The following CNTLN variants were observed in gnomAD, a reference collection of about 807,000 sequenced individuals.
The protein encoded by CNTLN is centlein, also known as centlein, centrosomal protein.
CNTLN carries 212 observed loss-of-function variants against 180.0 expected under a neutral mutation model. The observed-to-expected ratio is 1.18, with a 90% CI of 1.05 to 1.32. The LOEUF is 1.32. CNTLN is among the 40% of genes most tolerant of loss of function. The pLI, the probability that CNTLN is intolerant of heterozygous loss-of-function variation, is 0.00. For synonymous variants in CNTLN, 722 were observed against 563.1 expected (o/e 1.28, Z -3.99); for missense variants, 2,095 against 1,610.9 (o/e 1.30, Z -5.14).
chr9:17,388,189 A>T lies in CNTLN; in HGVS notation c.2015A>T (p.Asp672Val). 1 of 1,611,830 alleles carries T rather than the reference A, an allele frequency of 6.2e-7. No homozygotes were observed. The highest frequency in any genetic ancestry group is 8.5e-7 in the Non-Finnish European group (1 of 1,178,446). ...CAGCTCTTTAGATCTGGTGAAGATG[A>T]TGAGGTCAAGAGGAGTACTCCAGAG... Reference protein sequence around the residue: ...EEQLFRSGEDDEVKRSTPEKN... With the variant: ...EEQLFRSGEDVEVKRSTPEKN... The change falls in exon 14 of 26, where the codon GAT (aspartate) becomes GTT (valine). Residue 672 changes from aspartate (D) to valine (V), a missense_variant. Transcript: ENST00000380647.
Position 17,502,558 on chromosome 9 carries a change from T to A in CNTLN, c.4127T>A (p.Phe1376Tyr). ...TTTGTGTTTCTTTTACAGCTTCCTT[T>A]TGCCTCATATTTACTAGAAGCAGTA... is the stretch of plus-strand genomic sequence containing the variant. ...IQKLLEGQLP[F>Y]ASYLLEAVLE... Residue 1376 changes from phenylalanine to tyrosine, a missense_variant, in exon 26 of 26, where the codon TTT (phenylalanine) becomes TAT (tyrosine). Transcript: ENST00000380647. 1.5e-6 allele frequency: 2 copies of A among 1,379,294 alleles called. No individual in the cohort carries two copies. The highest frequency in any genetic ancestry group is 2.0e-6 in the Non-Finnish European group (2 of 1,006,466). 85.4% of individuals were successfully genotyped at this position (1,379,294 alleles called of 1,614,324 possible). A position where few individuals can be genotyped will look rare whatever the true frequency, so the allele number is the denominator to read the frequency against.
At chr9:17,304,987 A>G (rs1818608373) in intron 7 of CNTLN, among the ~76,000 whole-genome samples, 1 of 152,162 alleles carries the variant, frequency 6.6e-6, no homozygotes, top group Admixed American at 6.5e-5. Context: ...CTAGATTTGG[A>G]TGATTTCAAT....
At chr9:17,461,679 A>G (rs1488535035) in intron 19 of CNTLN, among the ~76,000 whole-genome samples, 1 of 151,730 alleles carries the variant, frequency 6.6e-6, no homozygotes, top group Admixed American at 6.6e-5. Flanking sequence ...GTTCTAATAG[A>G]AAAAATTTAT....
chr9:17,373,626 AC>A (rs1238112805), intron 13 of CNTLN, among the ~76,000 whole-genome samples: 1 of 152,178 alleles, frequency 6.6e-6, no homozygotes, highest in African/African-American at 2.4e-5. Flanking sequence ...AACAGAAAAA[AC>A]AATCCTAAAA....
intron 1 of CNTLN, among the ~76,000 whole-genome samples, chr9:17,136,197 A>G (rs989559616): frequency 8.5e-5 from 13 of 152,214 alleles, no homozygotes; most frequent in African/African-American, 3.1e-4. Flanking sequence ...TGATTTTACC[A>G]GAACCTTTAG....
At chr9:17,269,192 A>G (rs1827754404) in intron 5 of CNTLN, among the ~76,000 whole-genome samples, 3 of 152,054 alleles carry the variant, frequency 2.0e-5, no homozygotes, top group South Asian at 2.1e-4. Context: ...ATCTGTATCA[A>G]TTTTTAAATA....
chr9:17,380,738 G>T (rs556432782), intron 13 of CNTLN, among the ~76,000 whole-genome samples: 2 of 152,188 alleles, frequency 1.3e-5, no homozygotes, highest in African/African-American at 4.8e-5. Flanking sequence ...TTGAGGGCTT[G>T]TGTATCAGAC....
chr9:17,191,353 G>C (rs182448503), intron 2 of CNTLN, among the ~76,000 whole-genome samples: 73 of 152,310 alleles, frequency 4.8e-4, no homozygotes, highest in Non-Finnish European at 7.6e-4. Flanking sequence ...ACTTCCTTTT[G>C]CTAGTAGTCT....
rs1472006771 is a variant in CNTLN, at chr9:17,479,403, G to T, written c.3856-4892G>T. Among the ~76,000 whole-genome samples, 4 of 152,132 alleles carry T rather than the reference G, an allele frequency of 2.6e-5. 1 individual carries two copies. Among genetic ancestry groups the T allele is most frequent in the African/African-American group, 9.7e-5 (4 of 41,438 alleles). ...GTATGCAACAACATGGATAAACTCC[G>T]ACGGCATTATGCTCAGTGAAAAAAA... is the stretch of plus-strand genomic sequence containing the variant. On this transcript the variant is annotated intron_variant, in intron 23 of 25. Coordinates refer to ENST00000380647, the MANE Select transcript of CNTLN (RefSeq NM_017738.4).
At chr9:17,235,967 G>C (rs1825117386) in intron 4 of CNTLN, among the ~76,000 whole-genome samples, 175 bp downstream of exon 4, 1 of 152,162 alleles carries the variant, frequency 6.6e-6, no homozygotes, top group African/African-American at 2.4e-5. Flanking sequence ...TTTAAAGCCA[G>C]AACTCCAAGC....
intron 2 of CNTLN, among the ~76,000 whole-genome samples, chr9:17,184,190 C>G (rs980898731): frequency 6.6e-6 from 1 of 152,070 alleles, no homozygotes; most frequent in Non-Finnish European, 1.5e-5. Context: ...TTTTTACCGA[C>G]AAACGGACTT....
intron 1 of CNTLN, among the ~76,000 whole-genome samples, chr9:17,137,236 A>T (rs1817781882): frequency 6.6e-6 from 1 of 152,198 alleles, no homozygotes; most frequent in South Asian, 2.1e-4. Context: ...AGATTTTGTA[A>T]TATTAATACT....
At chr9:17,394,335 G>A (rs1311370773) in intron 14 of CNTLN, among the ~76,000 whole-genome samples, 199 bp from the exon 15 acceptor site, 1 of 151,990 alleles carries the variant, frequency 6.6e-6, no homozygotes, top group Non-Finnish European at 1.5e-5. Context: ...TTTACCATCT[G>A]TCCTTTATTC....
intron 3 of CNTLN, among the ~76,000 whole-genome samples, chr9:17,229,394 A>T (rs1023191955): frequency 1.3e-5 from 2 of 152,102 alleles, no homozygotes; most frequent in South Asian, 4.1e-4. Context: ...GAAATGTGAC[A>T]TTATGGGGTG....
At chr9:17,306,807 A>G (rs1315332818) in intron 7 of CNTLN, among the ~76,000 whole-genome samples, 1 of 152,174 alleles carries the variant, frequency 6.6e-6, no homozygotes, top group Non-Finnish European at 1.5e-5. Flanking sequence ...CTGATTGGGT[A>G]AATATTGGTT....
At chr9:17,180,259 T>C (rs542503162) in intron 2 of CNTLN, among the ~76,000 whole-genome samples, 7 of 148,852 alleles carry the variant, frequency 4.7e-5, no homozygotes, top group African/African-American at 1.7e-4. Flanking sequence ...CTGTTGGCTA[T>C]TGGAACGCAT....
intron 21 of CNTLN, among the ~76,000 whole-genome samples, chr9:17,464,943 A>T (rs1413435770): frequency 6.6e-6 from 1 of 151,154 alleles, no homozygotes; most frequent in African/African-American, 2.4e-5. Flanking sequence ...TTATGATAGA[A>T]TCAAGCTTAT....
At chr9:17,460,224 C>T (rs563068612) in intron 19 of CNTLN, among the ~76,000 whole-genome samples, 4 of 151,664 alleles carry the variant, frequency 2.6e-5, no homozygotes, top group African/African-American at 7.2e-5. Flanking sequence ...GTACATAGAG[C>T]CGAGATGAGA....
At chr9:17,203,902 G>A (rs931020010) in intron 2 of CNTLN, among the ~76,000 whole-genome samples, 9 of 152,016 alleles carry the variant, frequency 5.9e-5, no homozygotes, top group African/African-American at 1.9e-4. Flanking sequence ...ACTTTCTTTC[G>A]GTAAGGTGAT....
Sources: gnomAD v4.1 joint callset for allele counts (sites outside exome capture counted in the v4.1 genomes callset) on GRCh38, gnomAD v4.1.1 for gene constraint, MANE v1.5 for transcripts, NCBI Gene and HGNC (gene_info 2026-07-23, HGNC 2026-07-21) for gene names.